Variants in TTC23L observed in about 807,000 individuals in gnomAD.
TTC23L encodes tetratricopeptide repeat protein 23-like.
TTC23L carries 42 observed loss-of-function variants against 48.1 expected under a neutral mutation model. That is an observed-to-expected ratio of 0.87 (90% CI 0.68 to 1.13). TTC23L has a LOEUF of 1.13. Ranked by LOEUF, TTC23L falls within the 50% of genes most tolerant of loss-of-function variation. The pLI is 0.00. For missense variants in TTC23L, 391 were observed against 421.0 expected, an observed-to-expected ratio of 0.93 and a Z score of 0.62; for synonymous variants, 159 against 157.2, an observed-to-expected ratio of 1.01 and a Z score of -0.09.
chr5:34,853,210 C>T (rs1340008190), intron 4 of TTC23L, among the ~76,000 whole-genome samples: 1 of 152,072 alleles, frequency 6.6e-6, no homozygotes, highest in Non-Finnish European at 1.5e-5. Context: ...AAGTTGAGGC[C>T]ATAGGAGTGG....
intron 9 of TTC23L, among the ~76,000 whole-genome samples, chr5:34,884,167 T>C (rs974946461): frequency 6.6e-6 from 1 of 152,108 alleles, no homozygotes; most frequent in African/African-American, 2.4e-5. Flanking sequence ...GATGATACTC[T>C]GAGATGCAGA....
At chr5:34,914,176 C>A in the TTC23L span, 3 of 313,356 alleles carry the variant, frequency 9.6e-6, no homozygotes, top group Non-Finnish European at 1.3e-5. Context: ...CTATTACAAC[C>A]AGTAAAGGAA....
intron 3 of TTC23L, among the ~76,000 whole-genome samples, chr5:34,847,743 A>G (rs1172400456): frequency 6.6e-6 from 1 of 152,190 alleles, no homozygotes; most frequent in Non-Finnish European, 1.5e-5. Context: ...GCCCATGGTG[A>G]ACTCTAAAAA....
intron 4 of TTC23L, among the ~76,000 whole-genome samples, chr5:34,853,431 T>C (rs751736450): frequency 6.6e-6 from 1 of 152,078 alleles, no homozygotes; most frequent in African/African-American, 2.4e-5. Context: ...CTCGGGAGGC[T>C]GAGGCAGGAG....
At chr5:34,860,346 A>T (rs1318475489) in intron 4 of TTC23L, among the ~76,000 whole-genome samples, 1 of 152,208 alleles carries the variant, frequency 6.6e-6, no homozygotes, top group Non-Finnish European at 1.5e-5. Flanking sequence ...CCACTCTTGA[A>T]AAACAAGATG....
At chr5:34,851,280 A>G (rs947198563) in intron 4 of TTC23L, among the ~76,000 whole-genome samples, 3 of 152,224 alleles carry the variant, frequency 2.0e-5, no homozygotes, top group African/African-American at 7.2e-5. Context: ...TGAAGGCTAC[A>G]GGAAAAGGGA....
the TTC23L span, chr5:34,921,603 C>T: frequency 6.6e-6 from 1 of 152,032 alleles, no homozygotes; most frequent in African/African-American, 2.4e-5. Context: ...GTCAATGGGA[C>T]TATGGGCAGA....
downstream of TTC23L, chr5:34,902,479 C>A: frequency 7.0e-6 from 2 of 284,524 alleles, no homozygotes; most frequent in South Asian, 3.3e-5. Flanking sequence ...AAGTGTATCA[C>A]TATCAACATC....
chr5:34,899,158 A>C (rs1330181001), intron 10 of TTC23L, among the ~76,000 whole-genome samples: 2 of 152,220 alleles, frequency 1.3e-5, no homozygotes, highest in African/African-American at 4.8e-5. Flanking sequence ...CCTGCTGTTT[A>C]GGAAGAAAAC....
the TTC23L span, chr5:34,908,143 T>C: frequency 2.0e-5 from 3 of 151,588 alleles, no homozygotes; most frequent in Non-Finnish European, 2.9e-5. Context: ...TCATTTCAGG[T>C]AGCTGCATCA....
At chr5:34,867,363 A>T in intron 7 of TTC23L, 1 of 395,552 alleles carries the variant, frequency 2.5e-6, no homozygotes, top group Non-Finnish European at 4.6e-6. Flanking sequence ...ATGTGAGTCT[A>T]CTCCAAGGAA....
At chr5:34,864,955 T>A (rs1244377440) in intron 6 of TTC23L, among the ~76,000 whole-genome samples, 1 of 152,164 alleles carries the variant, frequency 6.6e-6, no homozygotes, top group Non-Finnish European at 1.5e-5. Context: ...ATTTTTGTCA[T>A]GACATGTGAC....
At chr5:34,857,681 CACTT>C (rs33924770) in intron 4 of TTC23L, among the ~76,000 whole-genome samples, 16,283 of 152,084 alleles carry the variant, frequency 0.11, 1,593 homozygotes, top group African/African-American at 0.26. Context: ...TCTTCAAACT[CACTT>C]CATTCAGGTA....
At chr5:34,889,919 A>C (rs1762760419) in intron 9 of TTC23L, among the ~76,000 whole-genome samples, 1 of 151,324 alleles carries the variant, frequency 6.6e-6, no homozygotes, top group African/African-American at 2.4e-5. Flanking sequence ...GCTCACTGCA[A>C]CCTCCACCTC....
chr5:34,846,561 C>CAAAAAAAAAAAAAAAAA (rs1156709677), intron 3 of TTC23L, among the ~76,000 whole-genome samples: 2 of 31,568 alleles, frequency 6.3e-5, no homozygotes, highest in Admixed American at 5.2e-4. Flanking sequence ...GACTCTGTCT[C>CAAAAAAAAAAAAAAAAA]AAAAAAAAAA....
At chr5:34,841,707 C>G (rs3846630) in intron 2 of TTC23L, among the ~76,000 whole-genome samples, 53,289 of 151,964 alleles carry the variant, frequency 0.35, 10,558 homozygotes, top group South Asian at 0.5. Flanking sequence ...TGTAGAGATG[C>G]GTTCTCATTA....
intron 4 of TTC23L, among the ~76,000 whole-genome samples, chr5:34,859,840 CTTTTTTT>C (rs10590697): frequency 1.0e-5 from 1 of 95,354 alleles, no homozygotes. Flanking sequence ...TTTTCTTCTT[CTTTTTTT>C]TTTTTTTTTT....
the TTC23L span, among the ~76,000 whole-genome samples, chr5:34,917,286 G>A: frequency 6.6e-6 from 1 of 152,210 alleles, no homozygotes; most frequent in South Asian, 2.1e-4. Context: ...TCAAAGCTAT[G>A]TCATTTGAAC....
At chr5:34,917,226 A>G in the TTC23L span, among the ~76,000 whole-genome samples, 7 of 152,226 alleles carry the variant, frequency 4.6e-5, no homozygotes, top group Non-Finnish European at 8.8e-5. Flanking sequence ...ATTAGGCTTC[A>G]TTTGGGGCAA....
Sources: gnomAD v4.1 joint callset for allele counts (sites outside exome capture counted in the v4.1 genomes callset) on GRCh38, gnomAD v4.1.1 for gene constraint, MANE v1.5 for transcripts, NCBI Gene and HGNC (gene_info 2026-07-23, HGNC 2026-07-21) for gene names.